The following TUBGCP3 variants were observed in gnomAD, a reference collection of about 807,000 sequenced individuals.
TUBGCP3 encodes the protein tubulin gamma complex component 3.
Under a neutral mutation model 123.1 loss-of-function variants are expected in TUBGCP3, and 50 were observed. The observed-to-expected ratio is 0.41, with a 90% CI of 0.32 to 0.51. TUBGCP3 has a LOEUF of 0.51. Among genes scored for constraint, TUBGCP3 ranks in the 20% least tolerant of loss-of-function variants. The pLI is 0.36. For missense variants in TUBGCP3, 882 were observed against 1,127.0 expected (o/e 0.78, Z 3.11); for synonymous variants, 405 against 413.9 (o/e 0.98, Z 0.26).
chr13:112,561,330 C>T (rs942396604), intron 3 of TUBGCP3, among the ~76,000 whole-genome samples: 1 of 152,228 alleles, frequency 6.6e-6, no homozygotes, highest in African/African-American at 2.4e-5. Flanking sequence ...CTGCTGCCAA[C>T]CTTTAGCTCT....
intron 17 of TUBGCP3, among the ~76,000 whole-genome samples, chr13:112,512,973 T>C (rs1245752614): frequency 6.6e-6 from 1 of 152,248 alleles, no homozygotes; most frequent in Non-Finnish European, 1.5e-5. Context: ...TGATTCTTCA[T>C]GAACGATGAA....
intron 19 of TUBGCP3, among the ~76,000 whole-genome samples, chr13:112,501,820 T>C (rs188390949): frequency 2.0e-5 from 3 of 152,278 alleles, no homozygotes; most frequent in African/African-American, 7.2e-5. Flanking sequence ...AAGACCCCGC[T>C]TCCCACTTTC....
upstream of TUBGCP3, among the ~76,000 whole-genome samples, chr13:112,589,413 G>T (rs1178975229): frequency 6.6e-6 from 1 of 152,208 alleles, no homozygotes; most frequent in East Asian, 1.9e-4. Context: ...GATGCAGCTG[G>T]AAGGTATTAC....
intron 10 of TUBGCP3, 173 bp from the exon 11 acceptor site, chr13:112,546,038 A>G: frequency 1.6e-6 from 1 of 628,232 alleles, no homozygotes; most frequent in Non-Finnish European, 2.6e-6. Flanking sequence ...ATGATTCAGA[A>G]ACCAGGAGGT....
At chr13:112,576,350 T>C (rs1263821401) in intron 1 of TUBGCP3, among the ~76,000 whole-genome samples, 1 of 152,194 alleles carries the variant, frequency 6.6e-6, no homozygotes, top group East Asian at 1.9e-4. Context: ...GCAATGCAAC[T>C]TCTTACTCCA....
intron 20 of TUBGCP3, among the ~76,000 whole-genome samples, chr13:112,490,713 C>A (rs138853586): frequency 1.3e-5 from 2 of 152,218 alleles, no homozygotes; most frequent in East Asian, 1.9e-4. Context: ...TATTTACAAC[C>A]CAGATTTGTT....
At chr13:112,588,781 A>G (rs1882803490), upstream of TUBGCP3, among the ~76,000 whole-genome samples, 1 of 152,200 alleles carries the variant, frequency 6.6e-6, no homozygotes, top group Non-Finnish European at 1.5e-5. Context: ...GTGAGCTACC[A>G]TGTTAAAAGG....
At chr13:112,510,853 G>C (rs2139028006) in intron 17 of TUBGCP3, among the ~76,000 whole-genome samples, 1 of 152,260 alleles carries the variant, frequency 6.6e-6, no homozygotes, top group South Asian at 2.1e-4. Context: ...CCTCCAATCT[G>C]TATTTGTATG....
chr13:112,518,251 C>G (rs1046448999), intron 16 of TUBGCP3, among the ~76,000 whole-genome samples: 1 of 152,102 alleles, frequency 6.6e-6, no homozygotes, highest in Non-Finnish European at 1.5e-5. Context: ...GAAAACAGCA[C>G]GAAGCAGGCT....
intron 11 of TUBGCP3, among the ~76,000 whole-genome samples, chr13:112,544,000 A>T (rs1395676296): frequency 6.6e-6 from 1 of 152,246 alleles, no homozygotes; most frequent in African/African-American, 2.4e-5. Context: ...CCCCAGTGAG[A>T]TGGCACATTT....
intron 7 of TUBGCP3, 82 bp downstream of exon 7, chr13:112,554,805 T>C: frequency 1.0e-6 from 1 of 970,172 alleles, no homozygotes; most frequent in Non-Finnish European, 1.6e-6. Context: ...AGTACCACCT[T>C]ATCAATCAAC....
intron 2 of TUBGCP3, among the ~76,000 whole-genome samples, chr13:112,568,318 G>A (rs1483912064): frequency 6.7e-6 from 1 of 150,370 alleles, no homozygotes; most frequent in African/African-American, 2.5e-5. Flanking sequence ...AGGCCAAATG[G>A]GTTTCTAGAA....
In TUBGCP3 at chr13:112,522,527, G is replaced by A. The variant is rs751598704; in HGVS notation, c.1556-18C>T. The A allele has an allele frequency of 6.9e-6, 11 of 1,601,230 alleles. No homozygotes were observed. Among genetic ancestry groups the A allele is most frequent in the Non-Finnish European group, 7.7e-6 (9 of 1,169,894 alleles). ...GTCTGCAGCTGTAAAGAACAACAGGGAAGAGCACACATGCATATGTAATTT... is the reference window on the plus strand; with the variant it reads ...GTCTGCAGCTGTAAAGAACAACAGGAAAGAGCACACATGCATATGTAATTT... On this transcript the variant is annotated intron_variant, in intron 13 of 21. Transcript: ENST00000261965.
intron 17 of TUBGCP3, among the ~76,000 whole-genome samples, chr13:112,516,120 C>T (rs1450287600): frequency 6.6e-6 from 1 of 152,046 alleles, no homozygotes; most frequent in Non-Finnish European, 1.5e-5. Flanking sequence ...AATATATTCT[C>T]ATGTTCTGGT....
intron 1 of TUBGCP3, among the ~76,000 whole-genome samples, chr13:112,586,349 T>C (rs1882608677): frequency 6.6e-6 from 1 of 152,046 alleles, no homozygotes; most frequent in South Asian, 2.1e-4. Flanking sequence ...GGTTTATCCC[T>C]AGAAAAAAAA....
At chr13:112,529,902 A>C (rs1041680067) in intron 11 of TUBGCP3, among the ~76,000 whole-genome samples, 6 of 152,226 alleles carry the variant, frequency 3.9e-5, no homozygotes, top group African/African-American at 1.4e-4. Flanking sequence ...TAAAAATTAC[A>C]TAGCAATACA....
the TUBGCP3 span, among the ~76,000 whole-genome samples, chr13:112,599,157 T>C: frequency 1.3e-5 from 2 of 152,202 alleles, no homozygotes; most frequent in East Asian, 3.8e-4. Flanking sequence ...CACGGGTGCA[T>C]ACTGTCAACA....
Position 112,485,314 on chromosome 13 carries a change from T to G in TUBGCP3, c.*679A>C, listed in dbSNP as rs56787467. On this transcript the variant is annotated 3_prime_UTR_variant, in exon 22 of 22. Transcript: ENST00000261965. ...TTCGCGGTATTTGGGTTGCACTGTA[T>G]AAGAGTATTTTTGTTCTCTATCACT... 2,513 of 152,736 alleles carry G rather than the reference T, an allele frequency of 0.016. 106 individuals are homozygous for G. The highest frequency in any genetic ancestry group is 0.11 in the East Asian group (550 of 5,188). The allele number at this position is 152,736 out of a possible 1,614,324, so 9.5% of individuals were successfully genotyped here.
chr13:112,496,703 G>A (rs1456541055), intron 20 of TUBGCP3, among the ~76,000 whole-genome samples: 1 of 152,144 alleles, frequency 6.6e-6, no homozygotes, highest in Non-Finnish European at 1.5e-5. Context: ...ATCCGAAGGA[G>A]TGGCCGGGCG....
Sources: allele counts gnomAD v4.1 joint callset (sites outside exome capture counted in the v4.1 genomes callset), GRCh38; gene constraint gnomAD v4.1.1; transcripts MANE v1.5; gene names NCBI Gene and HGNC (gene_info 2026-07-23, HGNC 2026-07-21).